GRIK4: variants seen among roughly 807,000 people sequenced by gnomAD.
GRIK4 encodes glutamate receptor ionotropic, kainate 4.
A neutral mutation model predicts 104.9 loss-of-function variants in GRIK4; 40 were observed. The ratio of observed to expected loss-of-function variants is 0.38; its 90% CI spans 0.30 to 0.50. GRIK4 has a LOEUF of 0.50. GRIK4 is among the 20% of genes least tolerant of loss of function. The pLI is 0.93. For missense variants in GRIK4, 1,047 were observed against 1,308.1 expected, an observed-to-expected ratio of 0.80 and a Z score of 3.08; for synonymous variants, 485 against 524.9, an observed-to-expected ratio of 0.92 and a Z score of 1.04.
At chr11:120,592,815 C>T (rs867558668) in intron 1 of GRIK4, among the ~76,000 whole-genome samples, 3 of 152,300 alleles carry the variant, frequency 2.0e-5, no homozygotes, top group South Asian at 2.1e-4. Flanking sequence ...TGCCTCCCAG[C>T]CCCTCACCTT....
intron 3 of GRIK4, among the ~76,000 whole-genome samples, chr11:120,742,174 C>T (rs1008271850): frequency 4.6e-5 from 7 of 151,834 alleles, no homozygotes; most frequent in African/African-American, 7.3e-5. Context: ...GGGGAAACCC[C>T]GTCTCTACTA....
intron 3 of GRIK4, among the ~76,000 whole-genome samples, chr11:120,792,386 T>G (rs757105978): frequency 5.4e-4 from 81 of 151,198 alleles, no homozygotes; most frequent in Non-Finnish European, 1.8e-4. Flanking sequence ...GGAATTCCAT[T>G]TATTTTGAGG....
At chr11:120,690,994 T>C (rs768382478) in intron 3 of GRIK4, among the ~76,000 whole-genome samples, 1 of 152,222 alleles carries the variant, frequency 6.6e-6, no homozygotes, top group Non-Finnish European at 1.5e-5. Flanking sequence ...TCATTTTTAT[T>C]GCCTTTCTTT....
intron 8 of GRIK4, among the ~76,000 whole-genome samples, chr11:120,855,140 C>T (rs1015668223): frequency 7.9e-5 from 12 of 152,138 alleles, no homozygotes; most frequent in African/African-American, 1.7e-4. Flanking sequence ...TAATGATGAC[C>T]GTGGAGAGAT....
At chr11:120,861,742 G>A (rs1469682609) in intron 8 of GRIK4, among the ~76,000 whole-genome samples, 2 of 152,114 alleles carry the variant, frequency 1.3e-5, no homozygotes, top group Non-Finnish European at 2.9e-5. Flanking sequence ...AACTTGTGTA[G>A]AGATCATTCT....
intron 3 of GRIK4, among the ~76,000 whole-genome samples, chr11:120,692,683 G>C (rs73586314): frequency 0.04 from 6,039 of 152,234 alleles, 415 homozygotes; most frequent in African/African-American, 0.14. Context: ...AAACGATGGA[G>C]ACCCGGTGTG....
intron 1 of GRIK4, among the ~76,000 whole-genome samples, chr11:120,528,391 A>C (rs34414148): frequency 2.6e-5 from 4 of 152,194 alleles, no homozygotes; most frequent in Non-Finnish European, 5.9e-5. Context: ...GATTACAGGC[A>C]TGAGCCACCA....
intron 8 of GRIK4, among the ~76,000 whole-genome samples, chr11:120,845,390 C>A (rs1953825771): frequency 1.3e-5 from 2 of 152,164 alleles, no homozygotes; most frequent in Admixed American, 1.3e-4. Context: ...AGTTTCTAAT[C>A]CTGAGGGTTG....
At chr11:120,609,662 G>A (rs60407225) in intron 1 of GRIK4, among the ~76,000 whole-genome samples, 3 of 151,112 alleles carry the variant, frequency 2.0e-5, no homozygotes, top group African/African-American at 7.3e-5. Context: ...CTACAGGTGC[G>A]TGCCACCTGC....
chr11:120,984,511 G>A (rs1375173833), intron 20 of GRIK4, among the ~76,000 whole-genome samples: 1 of 152,104 alleles, frequency 6.6e-6, no homozygotes, highest in Non-Finnish European at 1.5e-5. Flanking sequence ...GCTCACGCCT[G>A]TAATCCTAGC....
At chr11:120,548,311 T>G (rs2252227) in intron 1 of GRIK4, among the ~76,000 whole-genome samples, 14,372 of 151,846 alleles carry the variant, frequency 0.095, 2,267 homozygotes, top group African/African-American at 0.33. Flanking sequence ...GGTGGGGTAG[T>G]CAAGGATGCA....
At chr11:120,925,173 C>T (rs1409112661) in intron 13 of GRIK4, among the ~76,000 whole-genome samples, 1 of 152,072 alleles carries the variant, frequency 6.6e-6, no homozygotes, top group South Asian at 2.1e-4. Flanking sequence ...TGGCTGTGGG[C>T]GATGCCCACA....
chr11:120,797,553 C>T (rs1240697137), intron 3 of GRIK4, among the ~76,000 whole-genome samples: 1 of 152,246 alleles, frequency 6.6e-6, no homozygotes, highest in Non-Finnish European at 1.5e-5. Flanking sequence ...TTGATGTCCA[C>T]AGCTCTAGAG....
At chr11:120,573,068 A>T (rs781636408) in intron 1 of GRIK4, among the ~76,000 whole-genome samples, 8 of 152,334 alleles carry the variant, frequency 5.3e-5, no homozygotes, top group Non-Finnish European at 7.3e-5. Flanking sequence ...AAATGTGTTT[A>T]AAGCGAAGTG....
intron 8 of GRIK4, among the ~76,000 whole-genome samples, chr11:120,848,891 CAG>C (rs1358266585): frequency 1.3e-5 from 2 of 151,970 alleles, no homozygotes; most frequent in Non-Finnish European, 2.9e-5. Flanking sequence ...CCGAGGGGGA[CAG>C]GGGGTGTGAG....
At position 120,519,889 on chromosome 11, in the gene GRIK4, T is replaced by G. The variant is rs796891684; in HGVS notation, c.-159+8002T>G. 9.4e-3 allele frequency among the ~76,000 whole-genome samples: 1,382 copies of G among 146,476 alleles called. 22 individuals are homozygous for G. The highest frequency in any genetic ancestry group is 0.059 in the East Asian group (295 of 5,000). Reference sequence around the variant, plus strand: ...GGTTTTTTTTTTTTTTGTTTTTTTTTTTGTTGTTGTTGTTTTTTTTTGAGA... The same window carrying G: ...GGTTTTTTTTTTTTTTGTTTTTTTTGTTGTTGTTGTTGTTTTTTTTTGAGA... On this transcript the variant is annotated intron_variant, in intron 1 of 20. Coordinates refer to ENST00000527524, the MANE Select transcript of GRIK4 (RefSeq NM_014619.5).
chr11:120,923,184 C>T (rs1035395128), intron 13 of GRIK4, among the ~76,000 whole-genome samples: 2 of 151,986 alleles, frequency 1.3e-5, no homozygotes, highest in African/African-American at 4.8e-5. Flanking sequence ...TTAGTCTGGC[C>T]AACAGGAAAG....
chr11:120,946,527 TTAAAA>T (rs1403557279), intron 14 of GRIK4, among the ~76,000 whole-genome samples: 3 of 152,120 alleles, frequency 2.0e-5, no homozygotes, highest in African/African-American at 7.2e-5. Flanking sequence ...ATTAAATAAT[TTAAAA>T]TAAAAACTCA....
Position 120,905,871 on chromosome 11 carries a change from A to G in GRIK4, c.1476+378A>G, listed in dbSNP as rs1942857515. On this transcript the variant is annotated intron_variant, in intron 13 of 20. Transcript: ENST00000527524. This position sits in a 1 kb window ranked among gnomAD's most constrained non-coding sequence, Gnocchi z 5.1. ...GGTCCTGGGAGAAGAGAATGCACCC[A>G]CATCAGCTGGCTTGGATCCTTGAGA... Among the ~76,000 whole-genome samples the G allele has an allele frequency of 6.6e-6, 1 of 152,212 alleles. No homozygotes were observed. The highest frequency in any genetic ancestry group is 2.4e-5 in the African/African-American group (1 of 41,444).
Sources: gnomAD v4.1 joint callset for allele counts (sites outside exome capture counted in the v4.1 genomes callset) on GRCh38, gnomAD v4.1.1 for gene constraint, Gnocchi (gnomAD v3.1) non-coding constraint, MANE v1.5 for transcripts, NCBI Gene and HGNC (gene_info 2026-07-23, HGNC 2026-07-21) for gene names.